PSMD1: variants seen among roughly 807,000 people sequenced by gnomAD.
The protein encoded by PSMD1 is proteasome 26S subunit, non-ATPase 1, also known as 26S proteasome non-ATPase regulatory subunit 1.
In PSMD1, 18 loss-of-function variants were observed where a neutral mutation model predicts 119.0. The ratio of observed to expected loss-of-function variants is 0.15; its 90% confidence interval spans 0.10 to 0.22. The LOEUF (loss-of-function observed/expected upper bound fraction) is 0.22, where lower values mean the gene tolerates loss of function less well. Among genes scored for constraint, PSMD1 ranks in the 10% least tolerant of loss-of-function variants. The pLI, the probability that PSMD1 is intolerant of heterozygous loss-of-function variation, is 1.00. For missense variants in PSMD1, 702 were observed against 1,158.5 expected, an observed-to-expected ratio of 0.61 and a Z score of 5.72; for synonymous variants, 374 against 396.6, an observed-to-expected ratio of 0.94 and a Z score of 0.68.
chr2:231,079,670 G>T, intron 11 of PSMD1, 56 bp downstream of exon 11: 1 of 1,146,642 alleles, frequency 8.7e-7, no homozygotes, highest in South Asian at 1.7e-5. Context: ...TTTTTCTGGG[G>T]TTAAGAAAAA....
chr2:231,118,648 C>G (rs990254768), intron 16 of PSMD1, among the ~76,000 whole-genome samples: 1 of 152,008 alleles, frequency 6.6e-6, no homozygotes, highest in Non-Finnish European at 1.5e-5. Flanking sequence ...CTAGAAACCC[C>G]GTATCTTGAT....
intron 1 of PSMD1, 88 bp downstream of exon 1, chr2:231,057,129 C>T (rs1693614551): frequency 7.1e-7 from 1 of 1,400,222 alleles, no homozygotes; most frequent in Non-Finnish European, 9.2e-7. Flanking sequence ...CTGGGCGCCT[C>T]CCGGCGGAAC....
At chr2:231,112,379 C>T (rs142940724) in intron 16 of PSMD1, among the ~76,000 whole-genome samples, 13 of 152,240 alleles carry the variant, frequency 8.5e-5, no homozygotes, top group African/African-American at 3.1e-4. Flanking sequence ...GTTTTTAAAT[C>T]TCTTCATTCT....
At chr2:231,086,493 C>CA (rs1694445538) in intron 15 of PSMD1, among the ~76,000 whole-genome samples, 1 of 151,962 alleles carries the variant, frequency 6.6e-6, no homozygotes, top group Non-Finnish European at 1.5e-5. Flanking sequence ...CCCATCTCCA[C>CA]AAAAAATAGA....
At position 231,108,394 on chromosome 2, in the gene PSMD1, T is replaced by C; in HGVS notation, c.1883+21213T>C. ...AAATTAGATATTCTTAATACTTACA[T>C]CTTAGGTTAAAGAGATGATTTGATA... is the stretch of plus-strand genomic sequence containing the variant. On this transcript the variant is annotated intron_variant, in intron 16 of 24. Transcript: ENST00000308696. 6.9e-6 allele frequency: 5 copies of C among 724,092 alleles called. 1 individual carries two copies. In the South Asian group the frequency reaches 7.0e-5, roughly 10 times the overall value. 44.9% of individuals were successfully genotyped at this position (724,092 alleles called of 1,614,324 possible). A position where few individuals can be genotyped will look rare whatever the true frequency, so the allele number is the denominator to read the frequency against.
At chr2:231,136,991 AAT>A (rs1695982840) in intron 16 of PSMD1, among the ~76,000 whole-genome samples, 2 of 144,956 alleles carry the variant, frequency 1.4e-5, no homozygotes, top group Admixed American at 1.4e-4. Context: ...ATATAATTAT[AAT>A]ATATAAATAA....
chr2:231,091,691 C>T (rs1694598710), intron 16 of PSMD1, among the ~76,000 whole-genome samples: 1 of 152,142 alleles, frequency 6.6e-6, no homozygotes, highest in Admixed American at 6.5e-5. Flanking sequence ...TATCTCACAT[C>T]CTTCCATATG....
At chr2:231,096,359 G>A (rs1694726030) in intron 16 of PSMD1, among the ~76,000 whole-genome samples, 1 of 152,032 alleles carries the variant, frequency 6.6e-6, no homozygotes, top group African/African-American at 2.4e-5. Context: ...AGATGGAGTC[G>A]GTAAGGTAGG....
intron 19 of PSMD1, among the ~76,000 whole-genome samples, chr2:231,156,061 C>T (rs965471271): frequency 5.9e-5 from 9 of 152,016 alleles, no homozygotes; most frequent in African/African-American, 2.2e-4. Flanking sequence ...TACAATTGTA[C>T]GGTCTTAGTT....
Position 231,080,254 on chromosome 2 carries a change from C to T in PSMD1, c.1353C>T (p.Ala451=), listed in dbSNP as rs753806446. The change falls in exon 12 of 25, where the codon GCC becomes GCT. Residue 451 remains alanine (A), a synonymous_variant. Transcript: ENST00000308696. ...TCTATGCACTAGGTCTTATTCATGC[C>T]AATCATGGTGGTGATATAATTGACT... ...GGLYALGLIH[A]NHGGDIIDYL... 12 of 1,612,868 alleles carry T rather than the reference C, an allele frequency of 7.4e-6. No homozygotes were observed. The South Asian group carries it at 1.3e-4, about 18-fold the overall frequency.
intron 8 of PSMD1, among the ~76,000 whole-genome samples, chr2:231,075,865 G>T (rs1419231016): frequency 6.6e-6 from 1 of 152,120 alleles, no homozygotes; most frequent in Non-Finnish European, 1.5e-5. Context: ...TTACAGGCAT[G>T]AGCCACCGAG....
At chr2:231,087,304 T>C in intron 16 of PSMD1, 123 bp downstream of exon 16, 1 of 751,696 alleles carries the variant, frequency 1.3e-6, no homozygotes, top group Non-Finnish European at 2.2e-6. Flanking sequence ...GGAGTATATC[T>C]GGGTTCAGAG....
rs140205343 is a variant in PSMD1, at chr2:231,156,725, T to C, written c.2218+3059T>C. On this transcript the variant is annotated intron_variant, in intron 19 of 24. Transcript: ENST00000308696. ...ATGGTTGATAAATAGAAATTATACA[T>C]ACAGTGTACATGGTGCTTTGAGATA... 3.5e-3 allele frequency among the ~76,000 whole-genome samples: 534 copies of C among 152,238 alleles called. 3 individuals are homozygous for C. The highest frequency in any genetic ancestry group is 0.012 in the African/African-American group (501 of 41,568).
intron 19 of PSMD1, among the ~76,000 whole-genome samples, chr2:231,157,382 C>G (rs1473590823): frequency 6.6e-5 from 10 of 150,608 alleles, no homozygotes; most frequent in Admixed American, 6.6e-4. Flanking sequence ...AGTCATCTCA[C>G]TGTGTTCTCT....
At chr2:231,129,538 G>A (rs1695805927) in intron 16 of PSMD1, among the ~76,000 whole-genome samples, 1 of 152,176 alleles carries the variant, frequency 6.6e-6, no homozygotes, top group Non-Finnish European at 1.5e-5. Flanking sequence ...CTAATTTTTA[G>A]TTTTCTGAAG....
At chr2:231,083,533 ACT>A (rs779896943) in intron 13 of PSMD1, 32 bp from the exon 14 acceptor site, 1 of 1,608,106 alleles carries the variant, frequency 6.2e-7, no homozygotes, top group Non-Finnish European at 8.5e-7. Context: ...TAAAAACATA[ACT>A]CTCTGTTAAC....
chr2:231,081,454 A>G (rs545904029), intron 12 of PSMD1, among the ~76,000 whole-genome samples: 32 of 152,374 alleles, frequency 2.1e-4, no homozygotes, highest in African/African-American at 7.0e-4. Context: ...AGCCAGAGCA[A>G]CACCACAGAT....
chr2:231,113,600 T>C, intron 16 of PSMD1: 1 of 819,192 alleles, frequency 1.2e-6, no homozygotes, highest in Non-Finnish European at 2.2e-6. Context: ...AAGGAGCTTA[T>C]GTTAATGTAT....
intron 23 of PSMD1, among the ~76,000 whole-genome samples, chr2:231,167,033 C>G (rs1183736489): frequency 6.6e-6 from 1 of 152,158 alleles, no homozygotes; most frequent in Admixed American, 6.5e-5. Context: ...TATGGTAATG[C>G]TACCTACCTC....
Sources: allele counts gnomAD v4.1 joint callset (sites outside exome capture counted in the v4.1 genomes callset), GRCh38; gene constraint gnomAD v4.1.1; transcripts MANE v1.5; gene names NCBI Gene and HGNC (gene_info 2026-07-23, HGNC 2026-07-21).